The following CSMD2 variants were observed in gnomAD, a reference collection of about 807,000 sequenced individuals.
CSMD2 encodes CUB and Sushi multiple domains 2.
In CSMD2, 130 loss-of-function variants were observed where a neutral mutation model predicts 398.5. The observed-to-expected ratio is 0.33, with a 90% confidence interval of 0.28 to 0.38. CSMD2 has a LOEUF of 0.38. Ranked by LOEUF, CSMD2 falls within the 10% of genes least tolerant of loss-of-function variation. The pLI is 1.00. For synonymous variants in CSMD2, 1,828 were observed against 1,908.5 expected (o/e 0.96, Z 1.10); for missense variants, 3,829 against 4,764.9 (o/e 0.80, Z 5.78).
intron 1 of CSMD2, among the ~76,000 whole-genome samples, chr1:34,135,951 C>T (rs527706175): frequency 1.1e-3 from 173 of 152,058 alleles, no homozygotes; most frequent in Non-Finnish European, 1.1e-3. Flanking sequence ...CTCTTCTATG[C>T]CATTCGAATT....
chr1:34,075,566 C>A (rs1032458072), intron 2 of CSMD2, among the ~76,000 whole-genome samples: 1 of 152,202 alleles, frequency 6.6e-6, no homozygotes, highest in Non-Finnish European at 1.5e-5. Context: ...ATTGAGGGAA[C>A]GAGTTGTAGT....
chr1:33,709,466 T>G (rs1452826655), intron 21 of CSMD2: 1 of 558,580 alleles, frequency 1.8e-6, no homozygotes, highest in Non-Finnish European at 3.1e-6. Flanking sequence ...TGGTGCTGCC[T>G]GCTTTGTTTC....
intron 6 of CSMD2, among the ~76,000 whole-genome samples, chr1:33,829,803 C>A (rs1659282510): frequency 6.6e-6 from 1 of 151,952 alleles, no homozygotes; most frequent in African/African-American, 2.4e-5. Context: ...TCACTCCCAC[C>A]CGAATACTGC....
intron 4 of CSMD2, among the ~76,000 whole-genome samples, chr1:33,919,505 A>G (rs957613979): frequency 6.6e-6 from 1 of 152,256 alleles, no homozygotes; most frequent in African/African-American, 2.4e-5. Flanking sequence ...GCATTTCTCA[A>G]TGCTAACTTC....
At chr1:33,877,412 A>G (rs763615221) in intron 5 of CSMD2, among the ~76,000 whole-genome samples, 7 of 152,038 alleles carry the variant, frequency 4.6e-5, no homozygotes, top group Non-Finnish European at 7.4e-5. Context: ...AGGGCCTGGA[A>G]CTCACAGCAA....
At chr1:33,663,571 G>T (rs964460956) in intron 25 of CSMD2, among the ~76,000 whole-genome samples, 1 of 152,198 alleles carries the variant, frequency 6.6e-6, no homozygotes, top group East Asian at 1.9e-4. Flanking sequence ...CATGGTGCAG[G>T]TAGGGGTGAC....
At chr1:34,107,797 T>C (rs879312638) in intron 1 of CSMD2, among the ~76,000 whole-genome samples, 1 of 152,204 alleles carries the variant, frequency 6.6e-6, no homozygotes, top group Admixed American at 6.5e-5. Context: ...ATTTGGGGAA[T>C]GAGTCCACTA....
chr1:34,146,159 G>A (rs560322693), intron 1 of CSMD2, among the ~76,000 whole-genome samples: 46 of 152,236 alleles, frequency 3.0e-4, no homozygotes, highest in African/African-American at 9.6e-4. Context: ...TCAGCCTCCC[G>A]AGTCACCAGG....
At chr1:33,564,257 T>C (rs532861956) in intron 53 of CSMD2, among the ~76,000 whole-genome samples, 106 of 152,348 alleles carry the variant, frequency 7.0e-4, no homozygotes, top group African/African-American at 2.5e-3. Context: ...TAAATCGACC[T>C]ACCTAGAGTT....
At chr1:34,165,319 G>A, upstream of CSMD2, 5 of 1,199,142 alleles carry the variant, frequency 4.2e-6, no homozygotes, top group Non-Finnish European at 5.2e-6. Flanking sequence ...TCGCGCCGGG[G>A]GGCGGGAGGG....
chr1:33,624,924 C>A lies in CSMD2; in HGVS notation c.5500+127G>T. ...ACTGGGGTTGACTGGGACACCCCAC[C>A]TCAGCCATGCGGTGGGAAGCGGCTG... On this transcript the variant is annotated intron_variant, in intron 34 of 70. Coordinates refer to ENST00000373381, the MANE Select transcript of CSMD2 (RefSeq NM_001281956.2). This position sits in a 1 kb window ranked among gnomAD's most constrained non-coding sequence, Gnocchi z 4.7. The A allele has an allele frequency of 9.7e-7, 1 of 1,033,464 alleles. No homozygotes were observed. Among genetic ancestry groups the A allele is most frequent in the East Asian group, 2.6e-5 (1 of 39,128 alleles). 64.0% of individuals were successfully genotyped at this position (1,033,464 alleles called of 1,614,324 possible).
intron 3 of CSMD2, among the ~76,000 whole-genome samples, chr1:33,978,321 C>A (rs1646042528): frequency 1.3e-5 from 2 of 152,164 alleles, no homozygotes; most frequent in African/African-American, 4.8e-5. Flanking sequence ...ATTCAACATA[C>A]AAGTCGTTAT....
intron 21 of CSMD2, among the ~76,000 whole-genome samples, chr1:33,713,284 G>A (rs1646052082): frequency 6.6e-6 from 1 of 152,192 alleles, no homozygotes; most frequent in African/African-American, 2.4e-5. Context: ...TAGCCTGAGG[G>A]CTCCATGGAC....
chr1:33,705,569 T>C (rs1242033247), intron 22 of CSMD2, among the ~76,000 whole-genome samples: 2 of 152,278 alleles, frequency 1.3e-5, no homozygotes, highest in South Asian at 4.1e-4. Context: ...TAAGCTTACC[T>C]GTAAAATAGT....
At chr1:33,731,865 A>G (rs1646730512) in intron 15 of CSMD2, among the ~76,000 whole-genome samples, 1 of 152,228 alleles carries the variant, frequency 6.6e-6, no homozygotes, top group African/African-American at 2.4e-5. Flanking sequence ...ACACATTACT[A>G]AAATGTCATA....
intron 2 of CSMD2, among the ~76,000 whole-genome samples, chr1:34,076,444 T>G (rs1156534096): frequency 6.6e-6 from 1 of 152,160 alleles, no homozygotes. Context: ...TGCTGTGCAT[T>G]GTGGGATGAT....
In CSMD2 at chr1:34,026,196, A is replaced by T. The variant is rs139289920; in HGVS notation, c.517+6398T>A. Among the ~76,000 whole-genome samples, 209 of 152,318 alleles carry T rather than the reference A, an allele frequency of 1.4e-3. 3 individuals carry two copies. The East Asian group carries it at 0.038, about 28-fold the overall frequency. ...AGGCTGGAGCTCAATGAAATGACAT[A>T]ACTTGTCCAAGGTCAACCAGCAAGT... On this transcript the variant is annotated intron_variant, in intron 3 of 70. Transcript: ENST00000373381.
At chr1:33,775,639 G>A (rs1047305090) in intron 12 of CSMD2, among the ~76,000 whole-genome samples, 29 of 152,198 alleles carry the variant, frequency 1.9e-4, no homozygotes, top group African/African-American at 6.5e-4. Context: ...TGAATGGAGG[G>A]TCATCAGTAG....
chr1:34,051,582 G>A (rs1653179473), intron 2 of CSMD2, among the ~76,000 whole-genome samples: 1 of 151,392 alleles, frequency 6.6e-6, no homozygotes, highest in African/African-American at 2.4e-5. Context: ...TTTATGTTAT[G>A]GTATTTAAGT....
Sources: allele counts gnomAD v4.1 joint callset (sites outside exome capture counted in the v4.1 genomes callset), GRCh38; gene constraint gnomAD v4.1.1; non-coding constraint Gnocchi (gnomAD v3.1); transcripts MANE v1.5; gene names NCBI Gene and HGNC (gene_info 2026-07-23, HGNC 2026-07-21).